ITGA9: variants seen among roughly 807,000 people sequenced by gnomAD.
ITGA9 encodes the protein integrin subunit alpha 9.
In ITGA9, 56 loss-of-function variants were observed where a neutral mutation model predicts 127.8. The observed-to-expected ratio is 0.44, with a 90% CI of 0.35 to 0.55. ITGA9 has a LOEUF of 0.55. ITGA9 is among the 20% of genes least tolerant of loss of function. The pLI, the probability that ITGA9 is intolerant of heterozygous loss-of-function variation, is 0.00. For synonymous variants in ITGA9, 508 were observed against 514.5 expected, an observed-to-expected ratio of 0.99 and a Z score of 0.17; for missense variants, 1,196 against 1,347.1, an observed-to-expected ratio of 0.89 and a Z score of 1.76.
intron 24 of ITGA9, 128 bp downstream of exon 24, chr3:37,777,645 T>A: frequency 1.0e-6 from 1 of 1,001,350 alleles, no homozygotes; most frequent in Non-Finnish European, 1.5e-6. Flanking sequence ...GCACAGACTG[T>A]GGTCAACTCC....
chr3:37,570,860 C>T (rs1699593219), intron 15 of ITGA9, among the ~76,000 whole-genome samples: 1 of 152,066 alleles, frequency 6.6e-6, no homozygotes, highest in Admixed American at 6.6e-5. Context: ...AATAAAAAGC[C>T]CAAATTCAGT....
At chr3:37,558,085 C>T (rs1354140833) in intron 15 of ITGA9, among the ~76,000 whole-genome samples, 2 of 152,196 alleles carry the variant, frequency 1.3e-5, no homozygotes, top group Non-Finnish European at 2.9e-5. Context: ...CACTTTTCAG[C>T]CGCTCCTGTG....
chr3:37,608,993 T>A (rs1057265587), intron 15 of ITGA9, among the ~76,000 whole-genome samples: 3 of 152,124 alleles, frequency 2.0e-5, no homozygotes, highest in Non-Finnish European at 4.4e-5. Flanking sequence ...AAAGTATGGG[T>A]CAACATCCCC....
At position 37,683,879 on chromosome 3, in the gene ITGA9, C is replaced by T. The variant is rs146299367; in HGVS notation, c.1931C>T (p.Thr644Ile). 9.0e-5 allele frequency: 146 copies of T among 1,614,008 alleles called. No homozygotes were observed. In the Middle Eastern group the frequency reaches 5.0e-3, roughly 55 times the overall value. Residue 644 changes from threonine (T) to isoleucine (I), a missense_variant, in exon 18 of 28, where the codon ACC becomes ATC. Physicochemically the swap from Thr to Ile is moderately conservative, Grantham distance 89. Transcript: ENST00000264741. ...KLLLSSMDEK[T>I]LYLALGAVKN... ...TTTCGTTACAGTATGGATGAGAAAA[C>T]CCTGTATCTAGCTTTGGGGGCTGTG... is the stretch of plus-strand genomic sequence containing the variant.
chr3:37,745,098 T>C (rs949576656), intron 22 of ITGA9, among the ~76,000 whole-genome samples: 5 of 152,220 alleles, frequency 3.3e-5, no homozygotes, highest in Admixed American at 3.3e-4. Context: ...GGCTAAATAA[T>C]AATTATTTTC....
At chr3:37,648,163 T>G (rs1429155689) in intron 16 of ITGA9, among the ~76,000 whole-genome samples, 1 of 152,204 alleles carries the variant, frequency 6.6e-6, no homozygotes, top group Non-Finnish European at 1.5e-5. Context: ...GGGTTCCCTT[T>G]TCTCCATGCC....
intron 8 of ITGA9, 87 bp downstream of exon 8, chr3:37,508,714 G>T: frequency 2.9e-6 from 3 of 1,036,608 alleles, no homozygotes; most frequent in Non-Finnish European, 3.0e-6. Context: ...TGGTTTGAAG[G>T]CCCTACCTGT....
intron 1 of ITGA9, among the ~76,000 whole-genome samples, chr3:37,454,502 AGTTG>A (rs1698235886): frequency 6.6e-6 from 1 of 152,168 alleles, no homozygotes; most frequent in Non-Finnish European, 1.5e-5. Flanking sequence ...TCTTGTTGCC[AGTTG>A]AGATGTGGGA....
intron 8 of ITGA9, among the ~76,000 whole-genome samples, chr3:37,513,228 C>T (rs534270693): frequency 5.3e-5 from 8 of 152,246 alleles, no homozygotes; most frequent in African/African-American, 1.7e-4. Flanking sequence ...TTTTTAAAAA[C>T]AGCACCTCAT....
chr3:37,695,092 T>C (rs1700870898), intron 18 of ITGA9, among the ~76,000 whole-genome samples: 1 of 152,176 alleles, frequency 6.6e-6, no homozygotes, highest in African/African-American at 2.4e-5. Flanking sequence ...AAGGTACTGT[T>C]CCATCTCCAG....
chr3:37,674,829 C>T (rs1700666889), intron 17 of ITGA9, among the ~76,000 whole-genome samples: 1 of 152,160 alleles, frequency 6.6e-6, no homozygotes, highest in Non-Finnish European at 1.5e-5. Flanking sequence ...GGCTATGGCA[C>T]CTGGGATGTC....
At chr3:37,517,752 C>T in intron 10 of ITGA9, 143 bp downstream of exon 10, 1 of 710,624 alleles carries the variant, frequency 1.4e-6, no homozygotes. Flanking sequence ...CATCAATGTG[C>T]TGTGGGGAGA....
chr3:37,678,970 C>G (rs1281906389), intron 17 of ITGA9, among the ~76,000 whole-genome samples: 1 of 152,080 alleles, frequency 6.6e-6, no homozygotes, highest in Non-Finnish European at 1.5e-5. Flanking sequence ...AACTTAAGTA[C>G]AAACCCAATA....
intron 18 of ITGA9, among the ~76,000 whole-genome samples, chr3:37,704,831 C>T (rs573649751): frequency 6.6e-6 from 1 of 152,262 alleles, no homozygotes; most frequent in South Asian, 2.1e-4. Flanking sequence ...GTGCAGAGTA[C>T]AATGTGGGCA....
intron 4 of ITGA9, among the ~76,000 whole-genome samples, chr3:37,491,386 T>G (rs1698671787): frequency 6.6e-6 from 1 of 152,252 alleles, no homozygotes; most frequent in Non-Finnish European, 1.5e-5. Flanking sequence ...TGTTCAGTAG[T>G]GGAGAGGGCA....
Position 37,725,778 on chromosome 3 carries a change from C to T in ITGA9, c.2068-6934C>T, listed in dbSNP as rs530513088. On this transcript the variant is annotated intron_variant, in intron 18 of 27. Coordinates refer to ENST00000264741, the MANE Select transcript of ITGA9 (RefSeq NM_002207.3). ...CAGCAGTGGCAGTCCAGCAATACTC[C>T]TATAAGGCACATGTTATGACTTCAT... Among the ~76,000 whole-genome samples, 10 of 152,326 alleles carry T rather than the reference C, an allele frequency of 6.6e-5. No individual in the cohort carries two copies. The East Asian group carries it at 1.9e-3, about 29-fold the overall frequency.
At chr3:37,623,253 TGTGGCGTACA>T (rs1483196296) in intron 15 of ITGA9, among the ~76,000 whole-genome samples, 1 of 152,232 alleles carries the variant, frequency 6.6e-6, no homozygotes, top group Non-Finnish European at 1.5e-5. Flanking sequence ...TGAGGACAAT[TGTGGCGTACA>T]GTAAACATAC....
intron 7 of ITGA9, among the ~76,000 whole-genome samples, chr3:37,508,312 G>T (rs1243242121): frequency 3.3e-5 from 5 of 152,220 alleles, no homozygotes; most frequent in African/African-American, 9.6e-5. Context: ...GTCTTATTGT[G>T]TGTGGCTTTT....
At chr3:37,641,604 A>G (rs185735753) in intron 16 of ITGA9, among the ~76,000 whole-genome samples, 18 of 152,026 alleles carry the variant, frequency 1.2e-4, no homozygotes, top group Admixed American at 9.2e-4. Flanking sequence ...GGCCACCATC[A>G]TTTGTCACCT....
Sources: allele counts gnomAD v4.1 joint callset (sites outside exome capture counted in the v4.1 genomes callset), GRCh38; gene constraint gnomAD v4.1.1; transcripts MANE v1.5; gene names NCBI Gene and HGNC (gene_info 2026-07-23, HGNC 2026-07-21).